KCNIP1: variants seen among roughly 807,000 people sequenced by gnomAD.
KCNIP1 encodes the protein A-type potassium channel modulatory protein KCNIP1.
KCNIP1 carries 18 observed loss-of-function variants against 33.0 expected under a neutral mutation model. The ratio of observed to expected loss-of-function variants is 0.55; its 90% CI spans 0.38 to 0.81. KCNIP1 has a LOEUF of 0.81. Ranked by LOEUF, KCNIP1 falls within the 30% of genes least tolerant of loss-of-function variation. The pLI is 0.00. For missense variants in KCNIP1, 238 were observed against 271.6 expected, an observed-to-expected ratio of 0.88 and a Z score of 0.87; for synonymous variants, 93 against 98.3, an observed-to-expected ratio of 0.95 and a Z score of 0.32.
At chr5:170,600,707 T>C (rs1347231512) in intron 1 of KCNIP1, among the ~76,000 whole-genome samples, 1 of 152,212 alleles carries the variant, frequency 6.6e-6, no homozygotes, top group East Asian at 1.9e-4. Flanking sequence ...CAGGTACTAT[T>C]TGCAGGGGCA....
chr5:170,716,541 A>T (rs575301940), intron 1 of KCNIP1, among the ~76,000 whole-genome samples: 3,226 of 152,312 alleles, frequency 0.021, 60 homozygotes, highest in Non-Finnish European at 0.032. Context: ...TGAAAACGAA[A>T]AACAAAACAA....
rs369227900 is a variant in KCNIP1, at chr5:170,478,397, A to C, written c.88+124433A>C. Among the ~76,000 whole-genome samples the C allele has an allele frequency of 8.5e-5, 13 of 152,352 alleles. No individual in the cohort carries two copies. The East Asian group carries it at 2.5e-3, about 29-fold the overall frequency. ...GAGACTATGCAACGCTCATGGCTGGAGGACAAGCTTCCCCGGCCTTCCAGT... is the reference window on the plus strand; with the variant it reads ...GAGACTATGCAACGCTCATGGCTGGCGGACAAGCTTCCCCGGCCTTCCAGT... On this transcript the variant is annotated intron_variant, in intron 1 of 7. Coordinates refer to the KCNIP1 transcript ENST00000377360.
chr5:170,509,574 G>A (rs1754854849), intron 1 of KCNIP1, among the ~76,000 whole-genome samples: 1 of 152,122 alleles, frequency 6.6e-6, no homozygotes, highest in Admixed American at 6.5e-5. Context: ...GAATGAATGG[G>A]GGAAGCAGTA....
intron 1 of KCNIP1, among the ~76,000 whole-genome samples, chr5:170,507,255 C>T (rs1198561673): frequency 6.6e-6 from 1 of 152,218 alleles, no homozygotes; most frequent in Non-Finnish European, 1.5e-5. Flanking sequence ...CTGCCACTTA[C>T]TAGCTGTATG....
intron 1 of KCNIP1, among the ~76,000 whole-genome samples, chr5:170,604,777 C>T (rs1019479957): frequency 1.3e-5 from 2 of 152,208 alleles, no homozygotes; most frequent in African/African-American, 4.8e-5. Flanking sequence ...GGCCTTGCCC[C>T]ACCAGAAGAC....
chr5:170,701,969 G>A (rs182791279), intron 1 of KCNIP1, among the ~76,000 whole-genome samples: 4 of 152,086 alleles, frequency 2.6e-5, no homozygotes, highest in Admixed American at 1.3e-4. Context: ...GCCTTCCTTC[G>A]CTATCCTAAA....
intron 1 of KCNIP1, among the ~76,000 whole-genome samples, chr5:170,716,153 A>T (rs764450082): frequency 1.3e-5 from 2 of 152,242 alleles, no homozygotes; most frequent in Non-Finnish European, 2.9e-5. Context: ...AGGTTGCCAC[A>T]GCTGTAGACA....
At chr5:170,734,245 A>G (rs915277912) in intron 7 of KCNIP1, among the ~76,000 whole-genome samples, 36 of 67,004 alleles carry the variant, frequency 5.4e-4, no homozygotes, top group African/African-American at 1.9e-3. Context: ...ACAAGGAAGC[A>G]GCTGGGGGGA....
chr5:170,707,352 T>C (rs763594585), intron 1 of KCNIP1, among the ~76,000 whole-genome samples: 1 of 152,176 alleles, frequency 6.6e-6, no homozygotes. Context: ...GAGTCCCTAA[T>C]GTACATGGCC....
At position 170,505,573 on chromosome 5, in the gene KCNIP1, T is replaced by G. The variant is rs114867354; in HGVS notation, c.61+940T>G. On this transcript the variant is annotated intron_variant, in intron 1 of 7. Transcript: ENST00000328939. ...CTACCATCAGAGCCCCCATCCTGGA[T>G]ACAGGTGGGAGTTAAGCTCCTACCC... Among the ~76,000 whole-genome samples, 1,382 of 152,294 alleles carry G rather than the reference T, an allele frequency of 9.1e-3. 18 individuals are homozygous for G. The highest frequency in any genetic ancestry group is 0.031 in the African/African-American group (1,300 of 41,562).
intron 1 of KCNIP1, among the ~76,000 whole-genome samples, chr5:170,616,563 G>C (rs747083367): frequency 6.6e-6 from 1 of 152,160 alleles, no homozygotes; most frequent in African/African-American, 2.4e-5. Flanking sequence ...CTGCGTTCAC[G>C]TCTGTGTGCT....
intron 5 of KCNIP1, 26 bp from the exon 6 acceptor site, chr5:170,732,774 T>A: frequency 6.7e-7 from 1 of 1,485,802 alleles, no homozygotes; most frequent in Non-Finnish European, 9.4e-7. Context: ...GTTTCCACAC[T>A]GTGTGCTTTT....
intron 1 of KCNIP1, among the ~76,000 whole-genome samples, chr5:170,362,553 T>A (rs1015672515): frequency 6.6e-6 from 1 of 151,676 alleles, no homozygotes; most frequent in African/African-American, 2.4e-5. Flanking sequence ...CAACAAAACA[T>A]ATGGGGAGCA....
At chr5:170,618,673 A>G (rs940743106) in intron 1 of KCNIP1, among the ~76,000 whole-genome samples, 1 of 152,082 alleles carries the variant, frequency 6.6e-6, no homozygotes, top group Non-Finnish European at 1.5e-5. Flanking sequence ...CACTCACTTA[A>G]TATGTGTGAT....
chr5:170,508,328 AC>A (rs1374600330), intron 1 of KCNIP1, among the ~76,000 whole-genome samples: 2 of 152,212 alleles, frequency 1.3e-5, no homozygotes, highest in African/African-American at 4.8e-5. Flanking sequence ...TTAATAGGGT[AC>A]TGGTTAATAT....
At chr5:170,523,336 G>A (rs775920199) in intron 1 of KCNIP1, among the ~76,000 whole-genome samples, 7 of 152,174 alleles carry the variant, frequency 4.6e-5, no homozygotes, top group Non-Finnish European at 7.4e-5. Flanking sequence ...GAAGCCCTCC[G>A]CCAGGAAAGC....
rs556783015 is a variant in KCNIP1 at position 170,492,688 on chromosome 5, A to G, written c.88+138724A>G. Among the ~76,000 whole-genome samples the G allele has an allele frequency of 4.6e-5, 7 of 152,230 alleles. No homozygotes were observed. The South Asian group carries it at 1.5e-3, about 32-fold the overall frequency. On this transcript the variant is annotated intron_variant, in intron 1 of 7. Transcript: ENST00000377360. ...CAAAAGATGCTCCTATACCCTCATC[A>G]CTCGGGAAACTCCAAGGGTTTTAGG...
intron 1 of KCNIP1, among the ~76,000 whole-genome samples, chr5:170,539,821 G>A (rs550636611): frequency 2.0e-5 from 3 of 152,060 alleles, no homozygotes; most frequent in Non-Finnish European, 4.4e-5. Context: ...CTGAATTGGG[G>A]GGAATAGGTT....
Position 170,423,306 on chromosome 5 carries a change from C to T in KCNIP1, c.88+69342C>T, listed in dbSNP as rs559873551. 2.7e-5 allele frequency among the ~76,000 whole-genome samples: 4 copies of T among 149,912 alleles called. No homozygotes were observed. The South Asian group carries it at 8.4e-4, about 31-fold the overall frequency. On this transcript the variant is annotated intron_variant, in intron 1 of 7. Transcript: ENST00000377360. ...TTTCTTGTTTTTTTTTTTTCAATTCCTATTATACACTATTTAAGACACACA... is the reference window on the plus strand; with the variant it reads ...TTTCTTGTTTTTTTTTTTTCAATTCTTATTATACACTATTTAAGACACACA...
Sources: allele counts gnomAD v4.1 joint callset (sites outside exome capture counted in the v4.1 genomes callset), GRCh38; gene constraint gnomAD v4.1.1; transcripts MANE v1.5; gene names NCBI Gene and HGNC (gene_info 2026-07-23, HGNC 2026-07-21).